MMUT: variants seen among roughly 807,000 people sequenced by gnomAD.
The protein encoded by MMUT is methylmalonyl-CoA mutase, mitochondrial.
In MMUT, 79 loss-of-function variants were observed where a neutral mutation model predicts 79.9. That is an observed-to-expected ratio of 0.99 (90% CI 0.82 to 1.19). The LOEUF (loss-of-function observed/expected upper bound fraction) is 1.19, where lower values mean the gene tolerates loss of function less well. Ranked by LOEUF, MMUT falls within the 50% of genes most tolerant of loss-of-function variation. MMUT has a pLI of 0.00. For synonymous variants in MMUT, 273 were observed against 295.7 expected, an observed-to-expected ratio of 0.92 and a Z score of 0.79; for missense variants, 860 against 917.2, an observed-to-expected ratio of 0.94 and a Z score of 0.81.
chr6:49,459,092 G>GTCC lies in MMUT; in HGVS notation c.372_374dup (p.Lys124_Asp125insGlu), dbSNP rs796052009. The GTCC allele has an allele frequency of 8.7e-6, 14 of 1,613,814 alleles. No individual in the cohort carries two copies. The highest frequency in any genetic ancestry group is 1.3e-5 in the African/African-American group (1 of 74,886). On this transcript the variant is annotated inframe_insertion, in exon 2 of 13. Transcript: ENST00000274813. ...ACATTAAAATCTCACCCTTAATGTT[G>GTCC]TCCTTATAGAACTTATTGCTTTCTT...
chr6:49,438,408 T>C (rs748988566), intron 11 of MMUT, among the ~76,000 whole-genome samples: 7 of 152,172 alleles, frequency 4.6e-5, no homozygotes, highest in Non-Finnish European at 8.8e-5. Flanking sequence ...TTGATTTCTT[T>C]TTCAAAACAC....
At chr6:49,442,112 T>G in intron 9 of MMUT, 141 bp from the exon 10 acceptor site, 1 of 967,868 alleles carries the variant, frequency 1.0e-6, no homozygotes, top group Non-Finnish European at 1.5e-6. Flanking sequence ...TTTTAATGCA[T>G]TATGAAAGCA....
At chr6:49,449,648 A>C (rs1479707870) in intron 6 of MMUT, among the ~76,000 whole-genome samples, 1 of 152,174 alleles carries the variant, frequency 6.6e-6, no homozygotes, top group African/African-American at 2.4e-5. Flanking sequence ...TCTTACTGAA[A>C]TAAAAGCCTG....
chr6:49,440,429 A>G, intron 10 of MMUT, 76 bp from the exon 11 acceptor site: 1 of 1,431,520 alleles, frequency 7.0e-7, no homozygotes, highest in Non-Finnish European at 9.7e-7. Context: ...TAATTTATTC[A>G]CAGCAAATCT....
intron 4 of MMUT, 58 bp downstream of exon 4, chr6:49,456,022 T>C (rs2127419371): frequency 7.3e-7 from 1 of 1,370,284 alleles, no homozygotes; most frequent in Non-Finnish European, 1.0e-6. Flanking sequence ...TATCAATATA[T>C]AAAATGGTCC....
chr6:49,452,450 A>G (rs966980681), intron 5 of MMUT, among the ~76,000 whole-genome samples: 1 of 152,056 alleles, frequency 6.6e-6, no homozygotes. Flanking sequence ...CTCTTGCCTC[A>G]GCCTCCTGAG....
At chr6:49,451,437 AAAC>A in intron 6 of MMUT, 26 bp downstream of exon 6, 2 of 1,611,472 alleles carry the variant, frequency 1.2e-6, no homozygotes, top group Non-Finnish European at 1.7e-6. Flanking sequence ...TAAATTCTGA[AAAC>A]AAAGTTGCAA....
At chr6:49,444,896 A>C (rs1466024907) in intron 8 of MMUT, 142 bp from the exon 9 acceptor site, 2 of 603,326 alleles carry the variant, frequency 3.3e-6, no homozygotes, top group Non-Finnish European at 5.9e-6. Flanking sequence ...ATTGAAAAGA[A>C]TAATATATAA....
At chr6:49,438,863 T>G (rs1767200548) in intron 11 of MMUT, among the ~76,000 whole-genome samples, 1 of 152,150 alleles carries the variant, frequency 6.6e-6, no homozygotes, top group Non-Finnish European at 1.5e-5. Context: ...TCTCCCGTGG[T>G]GGATGCTTCC....
intron 1 of MMUT, among the ~76,000 whole-genome samples, chr6:49,460,647 G>C (rs9296617): frequency 0.37 from 55,673 of 151,982 alleles, 10,422 homozygotes; most frequent in African/African-American, 0.42. Context: ...GTCATACAGC[G>C]TAAACATATA....
At position 49,431,837 on chromosome 6, in the gene MMUT, T is replaced by C; in HGVS notation, c.2144A>G (p.Glu715Gly). 4 of 1,613,706 alleles carry C rather than the reference T, an allele frequency of 2.5e-6. No individual in the cohort carries two copies. Among genetic ancestry groups the C allele is most frequent in the Non-Finnish European group, 3.4e-6 (4 of 1,179,644 alleles). Residue 715 changes from glutamate (E) to glycine (G), a missense_variant, in exon 13 of 13, where the codon GAA becomes GGA. Transcript: ENST00000274813. ...IPPQDYEFLFEVGVSNVFGPG... is the reference protein window; with the variant it reads ...IPPQDYEFLFGVGVSNVFGPG... Reference sequence around the variant, plus strand: ...ACCAAATACATTGGAAACACCAACTTCAAACAGAAATTCATAATCCTGTTG... The same window carrying C: ...ACCAAATACATTGGAAACACCAACTCCAAACAGAAATTCATAATCCTGTTG...
rs149971230 is a variant in MMUT at position 49,432,074 on chromosome 6, C to T, written c.2125-218G>A. ...AAGTTATTTAAAAAACAAAACACTC[C>T]GCCCATTTTCTAAATGCCTCTATGT... On this transcript the variant is annotated intron_variant, in intron 12 of 12. Coordinates refer to ENST00000274813, the MANE Select transcript of MMUT (RefSeq NM_000255.4). 6.7e-3 allele frequency among the ~76,000 whole-genome samples: 1,023 copies of T among 152,248 alleles called. 11 individuals carry two copies. The highest frequency in any genetic ancestry group is 0.023 in the African/African-American group (964 of 41,546).
chr6:49,441,665 T>C (rs1477145155), intron 10 of MMUT, among the ~76,000 whole-genome samples, 175 bp downstream of exon 10: 5 of 148,650 alleles, frequency 3.4e-5, no homozygotes, highest in Non-Finnish European at 7.4e-5. Context: ...GAATAAATTA[T>C]ATACTCTATT....
At chr6:49,436,033 A>C (rs777274189) in intron 11 of MMUT, among the ~76,000 whole-genome samples, 1 of 151,884 alleles carries the variant, frequency 6.6e-6, no homozygotes, top group South Asian at 2.1e-4. Context: ...AAAGCTCCAA[A>C]TCACTGATTG....
intron 1 of MMUT, among the ~76,000 whole-genome samples, chr6:49,460,647 G>A (rs9296617): frequency 2.6e-5 from 4 of 152,046 alleles, no homozygotes; most frequent in Middle Eastern, 3.4e-3. Flanking sequence ...GTCATACAGC[G>A]TAAACATATA....
intron 4 of MMUT, among the ~76,000 whole-genome samples, chr6:49,455,759 T>C (rs992038118): frequency 2.0e-5 from 3 of 152,222 alleles, no homozygotes; most frequent in Admixed American, 6.5e-5. Flanking sequence ...ATGAATTCTG[T>C]ATTCTAAAAT....
chr6:49,438,675 T>G (rs971112353), intron 11 of MMUT, among the ~76,000 whole-genome samples: 4 of 152,128 alleles, frequency 2.6e-5, no homozygotes, highest in Admixed American at 6.5e-5. Context: ...TGACCCTGAG[T>G]GTGTCTGTGA....
Position 49,459,158 on chromosome 6 carries a change from C to T in MMUT, c.309G>A (p.Arg103=). The change falls in exon 2 of 13, where the codon AGG becomes AGA. Residue 103 remains arginine, a synonymous_variant. Transcript: ENST00000274813. ...CAGCATACTGGCGGATGGTCCAGGG[C>T]CTAAAGGTATACATGGTAGGATATG... is the stretch of plus-strand genomic sequence containing the variant. ...RGPYPTMYTF[R]PWTIRQYAGF... is the part of the protein sequence containing the mutation. 1.2e-6 allele frequency: 2 copies of T among 1,614,124 alleles called. No homozygotes were observed. The highest frequency in any genetic ancestry group is 2.7e-5 in the African/African-American group (2 of 75,012).
At chr6:49,454,325 T>A (rs1561957778) in intron 4 of MMUT, among the ~76,000 whole-genome samples, 1 of 152,204 alleles carries the variant, frequency 6.6e-6, no homozygotes, top group Non-Finnish European at 1.5e-5. Flanking sequence ...GTTCTTTTTT[T>A]GAGACAGAGT....
Sources: allele counts gnomAD v4.1 joint callset (sites outside exome capture counted in the v4.1 genomes callset), GRCh38; gene constraint gnomAD v4.1.1; transcripts MANE v1.5; gene names NCBI Gene and HGNC (gene_info 2026-07-23, HGNC 2026-07-21).